The following MLIP variants were observed in gnomAD, a reference collection of about 807,000 sequenced individuals.
The protein encoded by MLIP is muscular LMNA-interacting protein.
In MLIP, 79 loss-of-function variants were observed where a neutral mutation model predicts 84.8. That is an observed-to-expected ratio of 0.93 (90% CI 0.78 to 1.12). The LOEUF is 1.12. Among genes scored for constraint, MLIP ranks in the 50% most tolerant of loss-of-function variants. MLIP has a pLI of 0.00. For synonymous variants in MLIP, 504 were observed against 463.0 expected (o/e 1.09, Z -1.14); for missense variants, 1,257 against 1,160.6 (o/e 1.08, Z -1.21).
chr6:54,078,831 A>T (rs966997533), intron 1 of MLIP, among the ~76,000 whole-genome samples: 42 of 151,406 alleles, frequency 2.8e-4, no homozygotes, highest in African/African-American at 1.0e-3. Flanking sequence ...AGATGGGATT[A>T]TAGGCGCCTG....
At chr6:54,037,451 G>C (rs1764508049) in intron 1 of MLIP, among the ~76,000 whole-genome samples, 1 of 151,938 alleles carries the variant, frequency 6.6e-6, no homozygotes, top group Non-Finnish European at 1.5e-5. Context: ...TAGTGTGTGT[G>C]TGTGATAGAG....
chr6:54,223,700 G>A (rs1399255773), intron 11 of MLIP, among the ~76,000 whole-genome samples: 1 of 151,994 alleles, frequency 6.6e-6, no homozygotes, highest in African/African-American at 2.4e-5. Context: ...GATTCACTGA[G>A]AGTATTTTTA....
rs117318275 is a variant in MLIP at position 54,054,846 on chromosome 6, A to G, written c.63+35755A>G. On this transcript the variant is annotated intron_variant, in intron 1 of 12. Transcript: ENST00000274897. ...CTCTCCTAACGCAGAAGTAATTCAC[A>G]TAAGTATATTAGTTACAGTGCTTAT... Among the ~76,000 whole-genome samples, 18 of 152,128 alleles carry G rather than the reference A, an allele frequency of 1.2e-4. No homozygotes were observed. The East Asian group carries it at 3.5e-3, about 29-fold the overall frequency.
At chr6:54,153,395 A>G (rs1405701718) in intron 5 of MLIP, among the ~76,000 whole-genome samples, 2 of 151,988 alleles carry the variant, frequency 1.3e-5, no homozygotes, top group East Asian at 3.9e-4. Flanking sequence ...TTGAAATTCT[A>G]GTCTCAAGCA....
intron 12 of MLIP, among the ~76,000 whole-genome samples, chr6:54,250,706 T>C (rs947952128): frequency 2.6e-5 from 4 of 152,078 alleles, no homozygotes; most frequent in Admixed American, 1.3e-4. Flanking sequence ...ATTTTACCCA[T>C]CCACCTGAAT....
chr6:54,186,741 C>CACTT (rs1378049791), intron 9 of MLIP, among the ~76,000 whole-genome samples: 1 of 152,166 alleles, frequency 6.6e-6, no homozygotes, highest in Non-Finnish European at 1.5e-5. Context: ...ATGATCCAAT[C>CACTT]ACTTCCCACC....
chr6:54,216,273 A>G (rs1015939759), intron 11 of MLIP: 7 of 985,402 alleles, frequency 7.1e-6, no homozygotes, highest in East Asian at 2.3e-4. Context: ...CTCTTCCATT[A>G]TGAGCAATTG....
chr6:54,047,670 CA>C (rs1765143860), intron 1 of MLIP: 1 of 152,136 alleles, frequency 6.6e-6, no homozygotes, highest in South Asian at 2.1e-4. Context: ...TGTTGAACTT[CA>C]ACTAAGCAGT....
intron 3 of MLIP, among the ~76,000 whole-genome samples, chr6:54,133,393 C>T (rs548080021): frequency 7.2e-5 from 11 of 152,158 alleles, no homozygotes; most frequent in Middle Eastern, 6.8e-3. Context: ...TTTAGGAGGC[C>T]GAGCTGCCAT....
chr6:54,190,790 G>T (rs10046350), intron 10 of MLIP, among the ~76,000 whole-genome samples: 4 of 150,620 alleles, frequency 2.7e-5, no homozygotes, highest in Non-Finnish European at 5.9e-5. Flanking sequence ...ACTGGTCAAA[G>T]ATTTTCTTTT....
intron 3 of MLIP, among the ~76,000 whole-genome samples, chr6:54,135,087 A>G (rs1317977488): frequency 6.6e-6 from 1 of 152,112 alleles, no homozygotes; most frequent in African/African-American, 2.4e-5. Flanking sequence ...CAAATAAGAC[A>G]TTGTCATGCT....
At chr6:54,057,016 A>G (rs1030815756) in intron 1 of MLIP, among the ~76,000 whole-genome samples, 2 of 152,222 alleles carry the variant, frequency 1.3e-5, no homozygotes, top group African/African-American at 2.4e-5. Flanking sequence ...CATTTATTGA[A>G]TGCTTACCTT....
At chr6:54,147,588 A>G (rs1383808235) in intron 4 of MLIP, among the ~76,000 whole-genome samples, 1 of 152,134 alleles carries the variant, frequency 6.6e-6, no homozygotes, top group Non-Finnish European at 1.5e-5. Flanking sequence ...GAAGAGCTAT[A>G]TGGAGGAGAG....
chr6:54,259,082 A>G (rs999689957), intron 13 of MLIP, among the ~76,000 whole-genome samples: 1 of 151,878 alleles, frequency 6.6e-6, no homozygotes, highest in African/African-American at 2.4e-5. Context: ...TTGCATGTTA[A>G]AATTCTGTAT....
chr6:54,173,473 G>A (rs934474766), intron 9 of MLIP, among the ~76,000 whole-genome samples: 2 of 151,716 alleles, frequency 1.3e-5, no homozygotes, highest in Non-Finnish European at 2.9e-5. Context: ...TAAATCATGT[G>A]CTTAAATGTA....
At chr6:54,264,239 G>A (rs899128773) in intron 13 of MLIP, among the ~76,000 whole-genome samples, 2 of 151,920 alleles carry the variant, frequency 1.3e-5, no homozygotes, top group Non-Finnish European at 1.5e-5. Flanking sequence ...AACTTAGAAG[G>A]CATTTATTCC....
chr6:54,123,964 C>T (rs1770686876), intron 2 of MLIP, among the ~76,000 whole-genome samples: 1 of 152,018 alleles, frequency 6.6e-6, no homozygotes. Flanking sequence ...ATGAGTTCTC[C>T]CTAATTAACT....
At chr6:54,095,690 C>A (rs1488911466) in intron 1 of MLIP, among the ~76,000 whole-genome samples, 1 of 152,138 alleles carries the variant, frequency 6.6e-6, no homozygotes, top group Non-Finnish European at 1.5e-5. Context: ...TTTATGAGAT[C>A]TGTAGAGACC....
chr6:54,228,113 G>A (rs62397398), intron 11 of MLIP, among the ~76,000 whole-genome samples: 100,148 of 147,548 alleles, frequency 0.68, 36,928 homozygotes, highest in Non-Finnish European at 0.81. Flanking sequence ...AACCCCGGAG[G>A]CGGAGCTTGC....
Sources: gnomAD v4.1 joint callset for allele counts (sites outside exome capture counted in the v4.1 genomes callset) on GRCh38, gnomAD v4.1.1 for gene constraint, MANE v1.5 for transcripts, NCBI Gene and HGNC (gene_info 2026-07-23, HGNC 2026-07-21) for gene names.